The following TMEM165 variants were observed in gnomAD, a reference collection of about 807,000 sequenced individuals.
TMEM165 encodes putative divalent cation/proton antiporter TMEM165.
In TMEM165, 19 loss-of-function variants were observed where a neutral mutation model predicts 30.0. That is an observed-to-expected ratio of 0.63 (90% CI 0.44 to 0.93). The LOEUF (loss-of-function observed/expected upper bound fraction) is 0.93. Among genes scored for constraint, TMEM165 ranks in the 40% least tolerant of loss-of-function variants. The pLI is 0.00. For synonymous variants in TMEM165, 168 were observed against 162.9 expected (o/e 1.03, Z -0.24); for missense variants, 340 against 417.0 (o/e 0.82, Z 1.61).
At chr4:55,401,860 T>C (rs1721007790) in intron 1 of TMEM165, among the ~76,000 whole-genome samples, 2 of 150,178 alleles carry the variant, frequency 1.3e-5, no homozygotes, top group South Asian at 4.1e-4. Flanking sequence ...CTCACGCTTG[T>C]AATCCCTCCA....
At position 55,396,229 on chromosome 4, in the gene TMEM165, C is replaced by T. The variant is rs1018878795; in HGVS notation, c.40C>T (p.Pro14Ser). The change falls in exon 1 of 6, where the codon CCC becomes TCC. Residue 14 changes from proline to serine, a missense_variant. Physicochemically the swap from Pro to Ser is moderately conservative, Grantham distance 74 (BLOSUM62 -1). Coordinates refer to ENST00000381334, the MANE Select transcript of TMEM165 (RefSeq NM_018475.5). Reference sequence around the variant, plus strand: ...TCCAGGGAACGGCCGCGCATCGGCGCCCCGGCTGCTTCTGCTCTTTCTGGT... The same window carrying T: ...TCCAGGGAACGGCCGCGCATCGGCGTCCCGGCTGCTTCTGCTCTTTCTGGT... ...AAPGNGRASA[P>S]RLLLLFLVPL... The T allele has an allele frequency of 4.8e-6, 7 of 1,472,242 alleles. No individual in the cohort carries two copies. Among genetic ancestry groups the T allele is most frequent in the African/African-American group, 4.4e-5 (3 of 68,408 alleles). The allele number at this position is 1,472,242 out of a possible 1,614,324, so 91.2% of individuals were successfully genotyped here. A position where few individuals can be genotyped will look rare whatever the true frequency, so the allele number is the denominator to read the frequency against.
rs138957963 is a variant in TMEM165, at chr4:55,444,259, T to C, written c.409-7980T>C. Among the ~76,000 whole-genome samples the C allele has an allele frequency of 4.2e-3, 637 of 152,328 alleles. 16 individuals carry two copies. The highest frequency in any genetic ancestry group is 3.4e-3 in the Middle Eastern group (1 of 294). ...GTCCTGCTGGTTGGTCATATAAGAC[T>C]AATTTGAATCATACATACTGGTATC... On this transcript the variant is annotated intron_variant, in intron 3 of 3. Transcript: ENST00000608091.
chr4:55,417,168 A>G lies in TMEM165; in HGVS notation c.530A>G (p.Glu177Gly). 1 of 1,614,064 alleles carries G rather than the reference A, an allele frequency of 6.2e-7. No individual in the cohort carries two copies. The highest frequency in any genetic ancestry group is 8.5e-7 in the Non-Finnish European group (1 of 1,180,006). Residue 177 changes from glutamate to glycine, a missense_variant, in exon 3 of 6, where the codon GAA (glutamate) becomes GGA (glycine). Transcript: ENST00000381334. ...FAIFGIRMLR[E>G]GLKMSPDEGQ... ...ATTTTTGGCATTAGAATGCTTCGGG[A>G]AGGCTTAAAGATGAGCCCTGATGAG...
intron 2 of TMEM165, chr4:55,416,163 T>C (rs1721712287): frequency 6.6e-6 from 1 of 152,026 alleles, no homozygotes; most frequent in South Asian, 2.1e-4. Context: ...CCAGAGTAAT[T>C]GTATTTATTA....
chr4:55,447,446 T>C (rs1723958868), intron 3 of TMEM165, among the ~76,000 whole-genome samples: 2 of 152,252 alleles, frequency 1.3e-5, no homozygotes, highest in Admixed American at 1.3e-4. Flanking sequence ...TGGACAAGCA[T>C]TATATTGATA....
At chr4:55,400,388 AAAT>A in intron 1 of TMEM165, among the ~76,000 whole-genome samples, 1 of 119,464 alleles carries the variant, frequency 8.4e-6, no homozygotes, top group African/African-American at 3.1e-5. Flanking sequence ...TAATAATAAT[AAAT>A]AATATTAATA....
At chr4:55,432,644 T>A (rs979504539) in intron 3 of TMEM165, 1 of 149,364 alleles carries the variant, frequency 6.7e-6, no homozygotes, top group Non-Finnish European at 1.5e-5. Context: ...GCGGGATAGC[T>A]TTGCAACCCA....
chr4:55,400,235 T>C (rs866046559), intron 1 of TMEM165, among the ~76,000 whole-genome samples: 11 of 23,258 alleles, frequency 4.7e-4, no homozygotes, highest in African/African-American at 1.3e-3. Flanking sequence ...AATATATTAA[T>C]GTAATTAATA....
intron 1 of TMEM165, among the ~76,000 whole-genome samples, chr4:55,401,839 G>C (rs921017166): frequency 6.7e-6 from 1 of 150,170 alleles, no homozygotes; most frequent in East Asian, 1.9e-4. Context: ...AATGAAGGCC[G>C]GGCGCAGTGG....
At chr4:55,422,785 G>C (rs1268606244) in intron 4 of TMEM165, among the ~76,000 whole-genome samples, 40 of 151,964 alleles carry the variant, frequency 2.6e-4, no homozygotes, top group Admixed American at 2.6e-3. Context: ...CAGTAGTTGG[G>C]ACTACAGGTG....
At chr4:55,397,619 C>CCCTTTCCTTT (rs555441264) in intron 1 of TMEM165, among the ~76,000 whole-genome samples, 1 of 151,968 alleles carries the variant, frequency 6.6e-6, no homozygotes, top group Non-Finnish European at 1.5e-5. Context: ...ATTTATCTGA[C>CCCTTTCCTTT]CCTTTCCTTT....
intron 4 of TMEM165, among the ~76,000 whole-genome samples, chr4:55,422,684 T>C (rs1165773154): frequency 6.6e-6 from 1 of 152,152 alleles, no homozygotes; most frequent in Non-Finnish European, 1.5e-5. Context: ...AGTCTCACTC[T>C]GTCACCCAGG....
intron 4 of TMEM165, 198 bp from the exon 5 acceptor site, chr4:55,424,340 T>G: frequency 1.9e-6 from 1 of 523,928 alleles, no homozygotes; most frequent in Non-Finnish European, 3.4e-6. Flanking sequence ...AACTTTTAGG[T>G]CTAGTCTTAA....
rs906863200 is a variant in TMEM165 at position 55,396,961 on chromosome 4, C to T, written c.207+565C>T. ...AATTAGTCTCCGGCAGTACAGCGTGCTGCAGCGATGTGGGATGCCAAAACT... is the reference window on the plus strand; with the variant it reads ...AATTAGTCTCCGGCAGTACAGCGTGTTGCAGCGATGTGGGATGCCAAAACT... On this transcript the variant is annotated intron_variant, in intron 1 of 5. Coordinates refer to ENST00000381334, the MANE Select transcript of TMEM165 (RefSeq NM_018475.5). Among the ~76,000 whole-genome samples the T allele has an allele frequency of 3.9e-5, 6 of 152,208 alleles. No homozygotes were observed. In the East Asian group the frequency reaches 1.2e-3, roughly 29 times the overall value.
intron 3 of TMEM165, among the ~76,000 whole-genome samples, chr4:55,436,569 G>C (rs1722892059): frequency 6.6e-6 from 1 of 152,184 alleles, no homozygotes; most frequent in South Asian, 2.1e-4. Flanking sequence ...TGGAGCTGTG[G>C]TGGGCAATTT....
intron 2 of TMEM165, among the ~76,000 whole-genome samples, chr4:55,412,404 A>AAAAC (rs1443652136): frequency 1.3e-5 from 2 of 150,470 alleles, no homozygotes; most frequent in Admixed American, 6.6e-5. Context: ...AAAAAAAAAA[A>AAAAC]AAAAAAAAAA....
At chr4:55,453,096 T>C (rs1286243438) in exon 4 of TMEM165, 1 of 1,612,782 alleles carries the variant, frequency 6.2e-7, no homozygotes, top group African/African-American at 1.3e-5. Flanking sequence ...CAATGCCAAG[T>C]TCTCGTCGTC....
In TMEM165 at chr4:55,417,867, C is replaced by G; in HGVS notation, c.674C>G (p.Pro225Arg). 1 of 1,613,966 alleles carries G rather than the reference C, an allele frequency of 6.2e-7. No individual in the cohort carries two copies. The highest frequency in any genetic ancestry group is 8.5e-7 in the Non-Finnish European group (1 of 1,179,974). ...GAAACGGGTACAAGCATAACAGTAC[C>G]TCAGAAAAAGTGGTTGCATTTTATT... ...DVETGTSITV[P>R]QKKWLHFISP... Residue 225 changes from proline (P) to arginine (R), a missense_variant, in exon 4 of 6, where the codon CCT becomes CGT. Transcript: ENST00000381334.
chr4:55,425,485 A>T lies in TMEM165; in HGVS notation c.*33A>T, dbSNP rs1314590393. 4 of 1,503,542 alleles carry T rather than the reference A, an allele frequency of 2.7e-6. No homozygotes were observed. Among genetic ancestry groups the T allele is most frequent in the Non-Finnish European group, 3.7e-6 (4 of 1,081,744 alleles). The allele number at this position is 1,503,542 out of a possible 1,614,324, so 93.1% of individuals were successfully genotyped here. A position where few individuals can be genotyped will look rare whatever the true frequency, so the allele number is the denominator to read the frequency against. On this transcript the variant is annotated 3_prime_UTR_variant, in exon 6 of 6. Coordinates refer to ENST00000381334, the MANE Select transcript of TMEM165 (RefSeq NM_018475.5). ...TTTGTTCATCTATATTTAGTTTAAA[A>T]TAGGTAGTATTATCTTTCTGTACAT...
Sources: gnomAD v4.1 joint callset for allele counts (sites outside exome capture counted in the v4.1 genomes callset) on GRCh38, gnomAD v4.1.1 for gene constraint, MANE v1.5 for transcripts, NCBI Gene and HGNC (gene_info 2026-07-23, HGNC 2026-07-21) for gene names.